PPP1R12A: variants seen among roughly 807,000 people sequenced by gnomAD.
PPP1R12A encodes the protein protein phosphatase 1 regulatory subunit 12A, also known as myosin binding subunit.
PPP1R12A carries 19 observed loss-of-function variants against 139.6 expected under a neutral mutation model. The observed-to-expected ratio is 0.14, with a 90% CI of 0.09 to 0.20. The LOEUF (loss-of-function observed/expected upper bound fraction) is 0.20, where lower values mean the gene tolerates loss of function less well. PPP1R12A is among the 10% of genes least tolerant of loss of function. The pLI is 1.00. For synonymous variants in PPP1R12A, 427 were observed against 420.6 expected (o/e 1.02, Z -0.19); for missense variants, 925 against 1,211.5 (o/e 0.76, Z 3.51).
At chr12:79,833,043 A>AATG (rs1877623056) in intron 3 of PPP1R12A, among the ~76,000 whole-genome samples, 1 of 152,184 alleles carries the variant, frequency 6.6e-6, no homozygotes, top group African/African-American at 2.4e-5. Flanking sequence ...TCATAATTTT[A>AATG]GTAAGTTATA....
chr12:79,931,887 C>T (rs937702576), intron 1 of PPP1R12A, among the ~76,000 whole-genome samples: 6 of 152,072 alleles, frequency 3.9e-5, no homozygotes, highest in African/African-American at 1.2e-4. Context: ...GGACACATTT[C>T]TATACAAAAA....
At chr12:79,884,913 G>A (rs1410918893) in intron 1 of PPP1R12A, among the ~76,000 whole-genome samples, 7 of 152,060 alleles carry the variant, frequency 4.6e-5, no homozygotes, top group African/African-American at 1.7e-4. Context: ...TGCTAACAAA[G>A]AGTTAACAAG....
chr12:79,883,608 T>A (rs1883848715), intron 1 of PPP1R12A, among the ~76,000 whole-genome samples: 1 of 152,188 alleles, frequency 6.6e-6, no homozygotes, highest in South Asian at 2.1e-4. Flanking sequence ...AATTTATAGG[T>A]GTCTGTACAC....
chr12:79,843,789 C>T (rs536722819), intron 3 of PPP1R12A, among the ~76,000 whole-genome samples: 15 of 151,378 alleles, frequency 9.9e-5, no homozygotes, highest in African/African-American at 2.2e-4. Context: ...CTGCGACCTC[C>T]GCCTCCCGGG....
intron 5 of PPP1R12A, among the ~76,000 whole-genome samples, chr12:79,826,585 A>G (rs1259400248): frequency 6.6e-6 from 1 of 152,142 alleles, no homozygotes; most frequent in African/African-American, 2.4e-5. Flanking sequence ...GAGTGACATA[A>G]GGAGCTGCTA....
intron 1 of PPP1R12A, among the ~76,000 whole-genome samples, chr12:79,933,554 G>A (rs1209158624): frequency 1.3e-5 from 2 of 152,174 alleles, no homozygotes; most frequent in East Asian, 3.8e-4. Flanking sequence ...ATTGTTAAGG[G>A]GAAGCTATCG....
chr12:79,831,519 G>A (rs1381033622), intron 4 of PPP1R12A, among the ~76,000 whole-genome samples: 2 of 152,166 alleles, frequency 1.3e-5, no homozygotes, highest in South Asian at 2.1e-4. Context: ...TGTCACCCAA[G>A]AGGAGGAAAC....
At chr12:79,860,704 A>G (rs1881217033) in intron 2 of PPP1R12A, among the ~76,000 whole-genome samples, 1 of 152,334 alleles carries the variant, frequency 6.6e-6, no homozygotes, top group South Asian at 2.1e-4. Context: ...CGTAAATTAT[A>G]AAACAAAATT....
intron 2 of PPP1R12A, among the ~76,000 whole-genome samples, chr12:79,854,224 G>T (rs879837470): frequency 6.6e-6 from 1 of 151,978 alleles, no homozygotes; most frequent in African/African-American, 2.4e-5. Context: ...TGTGTGGCGG[G>T]GGGGCAGGGG....
chr12:79,931,877 G>A (rs750388593), intron 1 of PPP1R12A, among the ~76,000 whole-genome samples: 16 of 151,992 alleles, frequency 1.1e-4, no homozygotes, highest in South Asian at 4.2e-4. Flanking sequence ...TCTATACAGA[G>A]GACACATTTC....
chr12:79,917,483 CAAAAAAAAAA>C (rs59586178), intron 1 of PPP1R12A, among the ~76,000 whole-genome samples: 1 of 78,912 alleles, frequency 1.3e-5, no homozygotes, highest in South Asian at 4.1e-4. Context: ...GACTCTGTCT[CAAAAAAAAAA>C]AAAAAAAAAA....
At chr12:79,904,753 T>C (rs1303637487) in intron 1 of PPP1R12A, among the ~76,000 whole-genome samples, 2 of 152,138 alleles carry the variant, frequency 1.3e-5, no homozygotes, top group Admixed American at 6.5e-5. Flanking sequence ...TTGCTCCATA[T>C]TCAACTCTGA....
At position 79,901,903 on chromosome 12, in the gene PPP1R12A, TAAAG is replaced by T. The variant is rs370161044; in HGVS notation, c.238-28969_238-28966del. On this transcript the variant is annotated intron_variant, in intron 1 of 24. Transcript: ENST00000450142. ...TTCCCTGTTTCCCTTTTACAAAACT[TAAAG>T]AACGAATAGGAGTTAAGAGAAGGTG... 2.6e-3 allele frequency among the ~76,000 whole-genome samples: 391 copies of T among 152,216 alleles called. 1 individual carries two copies. The highest frequency in any genetic ancestry group is 8.7e-3 in the African/African-American group (360 of 41,528).
rs976788960 is a variant in PPP1R12A at position 79,850,525 on chromosome 12, C to T, written c.369-5105G>A. 2.6e-4 allele frequency among the ~76,000 whole-genome samples: 40 copies of T among 152,160 alleles called. 1 individual carries two copies. Among genetic ancestry groups the T allele is most frequent in the African/African-American group, 9.4e-4 (39 of 41,508 alleles). ...ATTTAAGAAAAACTTTGTCTTTAAA[C>T]CAGAAGCTAATGAGAACTTAGTGAA... is the stretch of plus-strand genomic sequence containing the variant. On this transcript the variant is annotated intron_variant, in intron 2 of 24. Coordinates refer to ENST00000450142, the MANE Select transcript of PPP1R12A (RefSeq NM_002480.3).
chr12:79,873,495 T>TA (rs1451913149), intron 1 of PPP1R12A, among the ~76,000 whole-genome samples: 31 of 64,602 alleles, frequency 4.8e-4, no homozygotes, highest in East Asian at 4.4e-3. Context: ...TACTCATAAT[T>TA]TAAAAAAAAA....
chr12:79,922,262 A>G (rs886303595), intron 1 of PPP1R12A, among the ~76,000 whole-genome samples: 1 of 152,172 alleles, frequency 6.6e-6, no homozygotes, highest in African/African-American at 2.4e-5. Context: ...ACCCCATCTC[A>G]AAACAAAACA....
chr12:79,929,824 A>G (rs1003398179), intron 1 of PPP1R12A, among the ~76,000 whole-genome samples: 3 of 152,206 alleles, frequency 2.0e-5, no homozygotes, highest in African/African-American at 7.2e-5. Flanking sequence ...ATTGAAATCT[A>G]CAACAAAGTT....
In PPP1R12A at chr12:79,822,130, T is replaced by C; in HGVS notation, c.853A>G (p.Lys285Glu). Reference protein sequence around the residue: ...DILGYLEELQKKQNLLHSEKR... With the variant: ...DILGYLEELQEKQNLLHSEKR... ...ATCAAACATACCAGATTTTGTTTCTTTTGCAACTCTTCTAAATATCCTAAA... is the reference window on the plus strand; with the variant it reads ...ATCAAACATACCAGATTTTGTTTCTCTTGCAACTCTTCTAAATATCCTAAA... The change falls in exon 6 of 25, where the codon AAG (lysine) becomes GAG (glutamate). Residue 285 changes from lysine to glutamate, a missense_variant. Lys to Glu is a moderately conservative substitution (Grantham distance 56). This residue lies in a region of PPP1R12A where 403 missense variants were observed against 463.7 expected (regional missense o/e 0.87). Transcript: ENST00000450142. The C allele has an allele frequency of 6.3e-7, 1 of 1,574,816 alleles. No individual in the cohort carries two copies. The highest frequency in any genetic ancestry group is 1.2e-5 in the South Asian group (1 of 86,516).
rs749358684 is a variant in PPP1R12A at position 79,796,785 on chromosome 12, T to G, written c.2458A>C (p.Arg820=). 1 of 1,601,928 alleles carries G rather than the reference T, an allele frequency of 6.2e-7. No homozygotes were observed. The change falls in exon 17 of 25, where the codon AGA becomes CGA. Residue 820 remains arginine (R), a synonymous_variant. Coordinates refer to ENST00000450142, the MANE Select transcript of PPP1R12A (RefSeq NM_002480.3). ...YSRGITKENE[R]EGEKREEEKE... Reference sequence around the variant, plus strand: ...TTTCAAAATTTGGTATTCTTACCTCTTTCATTTTCTTTTGTTATTCCTCTG... The same window carrying G: ...TTTCAAAATTTGGTATTCTTACCTCGTTCATTTTCTTTTGTTATTCCTCTG...
Sources: allele counts gnomAD v4.1 joint callset (sites outside exome capture counted in the v4.1 genomes callset), GRCh38; gene constraint gnomAD v4.1.1; regional missense constraint gnomAD v4.1.1; transcripts MANE v1.5; gene names NCBI Gene and HGNC (gene_info 2026-07-23, HGNC 2026-07-21).